The following FLI1 variants were observed in gnomAD, a reference collection of about 807,000 sequenced individuals.
The protein encoded by FLI1 is Friend leukemia integration 1 transcription factor.
FLI1 carries 13 observed loss-of-function variants against 53.1 expected under a neutral mutation model. That is an observed-to-expected ratio of 0.24 (90% CI 0.16 to 0.39). The LOEUF (loss-of-function observed/expected upper bound fraction) is 0.39. Among genes scored for constraint, FLI1 ranks in the 10% least tolerant of loss-of-function variants. The pLI is 1.00. For missense variants in FLI1, 424 were observed against 600.5 expected (o/e 0.71, Z 3.07); for synonymous variants, 244 against 236.7 (o/e 1.03, Z -0.28).
chr11:128,801,762 T>C (rs1942643963), intron 5 of FLI1, among the ~76,000 whole-genome samples: 1 of 152,224 alleles, frequency 6.6e-6, no homozygotes, highest in Non-Finnish European at 1.5e-5. Flanking sequence ...GCCAAGTTTA[T>C]TCATTCAACA....
At chr11:128,806,534 C>T (rs1942788574) in intron 6 of FLI1, 1 of 152,180 alleles carries the variant, frequency 6.6e-6, no homozygotes, top group South Asian at 2.1e-4. Flanking sequence ...GAAGATATGC[C>T]TTAGTTCTTT....
Position 128,757,061 on chromosome 11 carries a change from T to C in FLI1, c.19-1054T>C, listed in dbSNP as rs943430751. Among the ~76,000 whole-genome samples the C allele has an allele frequency of 2.2e-5, 3 of 136,422 alleles. No homozygotes were observed. The East Asian group carries it at 6.2e-4, about 28-fold the overall frequency. The allele number at this position is 136,422 out of a possible 152,430, so 89.5% of individuals were successfully genotyped here. A position where few individuals can be genotyped will look rare whatever the true frequency, so the allele number is the denominator to read the frequency against. ...AGCTAATTTTTTCTTTCTTTCTTTCTTTCTTTCTTTCTTTCTTTCTTTCTT... is the reference window on the plus strand; with the variant it reads ...AGCTAATTTTTTCTTTCTTTCTTTCCTTCTTTCTTTCTTTCTTTCTTTCTT... On this transcript the variant is annotated intron_variant, in intron 1 of 8. Coordinates refer to ENST00000527786, the MANE Select transcript of FLI1 (RefSeq NM_002017.5).
chr11:128,686,484 A>C (rs1335042909), upstream of FLI1: 3 of 455,380 alleles, frequency 6.6e-6, no homozygotes, highest in Non-Finnish European at 8.8e-6. Flanking sequence ...ACACCCAACC[A>C]CTCGGACCCT....
chr11:128,687,973 G>A (rs1281718694), intron 1 of FLI1, among the ~76,000 whole-genome samples: 1 of 152,240 alleles, frequency 6.6e-6, no homozygotes, highest in East Asian at 1.9e-4. Context: ...CATACTTTAA[G>A]GTTAGACTAA....
At chr11:128,783,905 G>GA (rs1268938874) in intron 5 of FLI1, among the ~76,000 whole-genome samples, 3 of 151,130 alleles carry the variant, frequency 2.0e-5, no homozygotes, top group Non-Finnish European at 4.4e-5. Flanking sequence ...AAAAGAAGGG[G>GA]AAAAATGACT....
rs115316147 is a variant in FLI1 at position 128,797,969 on chromosome 11, G to A, written c.656-7397G>A. Among the ~76,000 whole-genome samples the A allele has an allele frequency of 2.6e-3, 395 of 152,186 alleles. 1 individual carries two copies. The highest frequency in any genetic ancestry group is 9.1e-3 in the African/African-American group (378 of 41,504). ...AAAGGACACAGAAGCTGAATGTTAC[G>A]CAGACCCAAGAGTGTATCCCCTATG... On this transcript the variant is annotated intron_variant, in intron 5 of 8. Transcript: ENST00000527786.
chr11:128,705,592 G>A (rs191139089), intron 1 of FLI1, among the ~76,000 whole-genome samples: 2 of 152,242 alleles, frequency 1.3e-5, no homozygotes, highest in African/African-American at 2.4e-5. Flanking sequence ...AATGTTTTGC[G>A]AGGTTAAAAG....
At chr11:128,717,522 G>C (rs956290420) in intron 1 of FLI1, among the ~76,000 whole-genome samples, 2 of 152,174 alleles carry the variant, frequency 1.3e-5, no homozygotes, top group African/African-American at 4.8e-5. Flanking sequence ...AGGGCAGTTT[G>C]GGACTGCAGG....
chr11:128,747,176 CA>C (rs1940431921), intron 1 of FLI1, among the ~76,000 whole-genome samples: 1 of 152,222 alleles, frequency 6.6e-6, no homozygotes, highest in Non-Finnish European at 1.5e-5. Context: ...TGTCTTGAAG[CA>C]GGGTTCTGGA....
chr11:128,725,641 TCTCTCC>T (rs373451312), intron 1 of FLI1, among the ~76,000 whole-genome samples: 8 of 55,742 alleles, frequency 1.4e-4, no homozygotes, highest in Admixed American at 4.6e-4. Context: ...TCTTTCATTC[TCTCTCC>T]CTCTCTCTCT....
intron 2 of FLI1, among the ~76,000 whole-genome samples, chr11:128,760,478 C>T (rs888366568): frequency 1.3e-5 from 2 of 151,468 alleles, no homozygotes; most frequent in Admixed American, 6.6e-5. Context: ...CCAAGGAGCT[C>T]CCAATGCTTG....
intron 1 of FLI1, among the ~76,000 whole-genome samples, chr11:128,713,987 T>C (rs2135723404): frequency 6.6e-6 from 1 of 152,262 alleles, no homozygotes; most frequent in East Asian, 1.9e-4. Flanking sequence ...TAGAGTGTAA[T>C]GAAGAATACT....
chr11:128,780,849 A>T (rs562024112), intron 4 of FLI1, among the ~76,000 whole-genome samples: 110 of 152,264 alleles, frequency 7.2e-4, no homozygotes, highest in Non-Finnish European at 1.2e-3. Context: ...AGCCTCGAAT[A>T]CATGTGTTGA....
upstream of FLI1, among the ~76,000 whole-genome samples, chr11:128,691,425 CAG>C (rs1269070658): frequency 6.6e-6 from 1 of 152,178 alleles, no homozygotes; most frequent in African/African-American, 2.4e-5. Context: ...GGCATCTAGT[CAG>C]AGTTAGGTGG....
chr11:128,752,976 G>A (rs553602288), intron 1 of FLI1, among the ~76,000 whole-genome samples: 3 of 152,290 alleles, frequency 2.0e-5, no homozygotes, highest in Non-Finnish European at 2.9e-5. Flanking sequence ...CATTTCTATC[G>A]GCAAATGTGA....
At chr11:128,789,166 T>G (rs1050038155) in intron 5 of FLI1, among the ~76,000 whole-genome samples, 3 of 151,678 alleles carry the variant, frequency 2.0e-5, no homozygotes, top group African/African-American at 4.8e-5. Context: ...TTTGTTGGGG[T>G]GGGTGTGTGA....
chr11:128,776,856 C>T (rs895427419), intron 4 of FLI1, among the ~76,000 whole-genome samples: 1 of 151,154 alleles, frequency 6.6e-6, no homozygotes, highest in Non-Finnish European at 1.5e-5. Context: ...GACAGCAAGC[C>T]AGCCTGCGCC....
At chr11:128,733,119 G>C (rs1388925558) in intron 1 of FLI1, among the ~76,000 whole-genome samples, 1 of 152,154 alleles carries the variant, frequency 6.6e-6, no homozygotes, top group East Asian at 1.9e-4. Context: ...AAGCTCCAAG[G>C]GAAAGGGCCG....
At chr11:128,793,167 A>ATAAATTTAT (rs1378177618) in intron 5 of FLI1, among the ~76,000 whole-genome samples, 1 of 152,092 alleles carries the variant, frequency 6.6e-6, no homozygotes, top group Admixed American at 6.6e-5. Context: ...AATAAATTTA[A>ATAAATTTAT]TAAATTTATT....
Sources: gnomAD v4.1 joint callset for allele counts (sites outside exome capture counted in the v4.1 genomes callset) on GRCh38, gnomAD v4.1.1 for gene constraint, MANE v1.5 for transcripts, NCBI Gene and HGNC (gene_info 2026-07-23, HGNC 2026-07-21) for gene names.